NWD2: variants seen among roughly 807,000 people sequenced by gnomAD.
The protein encoded by NWD2 is NACHT and WD repeat domain-containing protein 2.
A neutral mutation model predicts 132.7 loss-of-function variants in NWD2; 37 were observed. The ratio of observed to expected loss-of-function variants is 0.28; its 90% CI spans 0.21 to 0.37. The LOEUF is 0.37. Ranked by LOEUF, NWD2 falls within the 10% of genes least tolerant of loss-of-function variation. NWD2 has a pLI of 1.00. For missense variants in NWD2, 1,592 were observed against 2,122.4 expected, an observed-to-expected ratio of 0.75 and a Z score of 4.91; for synonymous variants, 705 against 803.0, an observed-to-expected ratio of 0.88 and a Z score of 2.06.
intron 3 of NWD2, among the ~76,000 whole-genome samples, chr4:37,405,503 G>A (rs1008556078): frequency 6.7e-6 from 1 of 150,194 alleles, no homozygotes. Context: ...AAACATCAGG[G>A]CGAATTGCAT....
chr4:37,414,829 C>A (rs1166918477), intron 3 of NWD2, among the ~76,000 whole-genome samples: 1 of 152,150 alleles, frequency 6.6e-6, no homozygotes, highest in Non-Finnish European at 1.5e-5. Flanking sequence ...GTGTCAGTTA[C>A]CCTTCCAATT....
intron 1 of NWD2, among the ~76,000 whole-genome samples, chr4:37,286,570 C>A (rs527367673): frequency 6.6e-6 from 1 of 152,268 alleles, no homozygotes; most frequent in South Asian, 2.1e-4. Context: ...GTGTTGGGGT[C>A]AGTAGAAAGA....
At chr4:37,251,682 T>C (rs549080578) in intron 1 of NWD2, among the ~76,000 whole-genome samples, 2 of 152,356 alleles carry the variant, frequency 1.3e-5, no homozygotes, top group South Asian at 4.1e-4. Flanking sequence ...TGCATCCCTT[T>C]GGTAGAACCA....
chr4:37,280,435 G>A (rs1490593394), intron 1 of NWD2, among the ~76,000 whole-genome samples: 1 of 152,070 alleles, frequency 6.6e-6, no homozygotes, highest in Non-Finnish European at 1.5e-5. Context: ...GAACCACATG[G>A]ACATGCCAGT....
intron 2 of NWD2, among the ~76,000 whole-genome samples, chr4:37,337,591 G>A (rs1719435107): frequency 6.6e-6 from 1 of 152,162 alleles, no homozygotes; most frequent in South Asian, 2.1e-4. Flanking sequence ...TTTGGTCTGG[G>A]GTTTGTCAGC....
rs1453626635 is a variant in NWD2, at chr4:37,447,448, T to G, written c.*231T>G. ...TAGTAGTAATATTTAAATGGTTACT[T>G]CATCTGAAAGGCAGAGGCTAAAAGT... On this transcript the variant is annotated 3_prime_UTR_variant, in exon 7 of 7. Coordinates refer to ENST00000309447, the MANE Select transcript of NWD2 (RefSeq NM_001144990.2). 1 of 542,792 alleles carries G rather than the reference T, an allele frequency of 1.8e-6. No homozygotes were observed. The highest frequency in any genetic ancestry group is 1.9e-5 in the African/African-American group (1 of 52,968). 33.6% of individuals were successfully genotyped at this position (542,792 alleles called of 1,614,324 possible).
chr4:37,386,916 G>C (rs1720576870), intron 3 of NWD2, among the ~76,000 whole-genome samples: 1 of 152,142 alleles, frequency 6.6e-6, no homozygotes, highest in African/African-American at 2.4e-5. Context: ...TCTTTTGCTA[G>C]AATTGAAAGC....
intron 1 of NWD2, among the ~76,000 whole-genome samples, chr4:37,294,067 C>T (rs984384424): frequency 6.6e-6 from 1 of 152,140 alleles, no homozygotes; most frequent in Non-Finnish European, 1.5e-5. Context: ...CACCCCCCTA[C>T]TCCTTTCTGG....
At chr4:37,372,974 G>A (rs1234978080) in intron 3 of NWD2, among the ~76,000 whole-genome samples, 1 of 152,208 alleles carries the variant, frequency 6.6e-6, no homozygotes, top group Non-Finnish European at 1.5e-5. Flanking sequence ...ACAACGCAAA[G>A]AAAATTCACA....
chr4:37,336,318 G>A (rs920949996), intron 2 of NWD2, among the ~76,000 whole-genome samples: 10 of 152,104 alleles, frequency 6.6e-5, no homozygotes, highest in East Asian at 3.9e-4. Flanking sequence ...TATTAATGAG[G>A]CATTTTACAT....
chr4:37,311,838 T>C (rs1718849030), intron 1 of NWD2, among the ~76,000 whole-genome samples: 1 of 149,446 alleles, frequency 6.7e-6, no homozygotes, highest in South Asian at 2.1e-4. Context: ...GTTTCAGCAT[T>C]CTACATATGG....
chr4:37,269,941 A>G (rs1717833801), intron 1 of NWD2, among the ~76,000 whole-genome samples: 1 of 151,768 alleles, frequency 6.6e-6, no homozygotes, highest in African/African-American at 2.4e-5. Context: ...AACTGGTTGT[A>G]CCATTTTGCC....
At chr4:37,434,993 C>A (rs565801520) in intron 5 of NWD2, among the ~76,000 whole-genome samples, 1 of 152,160 alleles carries the variant, frequency 6.6e-6, no homozygotes, top group South Asian at 2.1e-4. Flanking sequence ...AAAATAAAAA[C>A]CCACCCAGTT....
At chr4:37,422,969 C>G (rs2081348815) in intron 3 of NWD2, among the ~76,000 whole-genome samples, 1 of 149,912 alleles carries the variant, frequency 6.7e-6, no homozygotes, top group Non-Finnish European at 1.5e-5. Flanking sequence ...ACTGTGTACA[C>G]ATTGTAGGAA....
At chr4:37,426,974 TTC>T (rs900321585) in intron 3 of NWD2, among the ~76,000 whole-genome samples, 1 of 151,914 alleles carries the variant, frequency 6.6e-6, no homozygotes, top group Non-Finnish European at 1.5e-5. Context: ...CTTGTTTCTG[TTC>T]TCTCTCTTTT....
intron 5 of NWD2, among the ~76,000 whole-genome samples, chr4:37,434,967 G>A (rs185994959): frequency 7.2e-5 from 11 of 151,958 alleles, no homozygotes; most frequent in African/African-American, 1.7e-4. Flanking sequence ...TATTTGGTAG[G>A]CTCAAATTTA....
chr4:37,318,357 T>C (rs1163454740), intron 1 of NWD2, among the ~76,000 whole-genome samples: 1 of 152,188 alleles, frequency 6.6e-6, no homozygotes, highest in Non-Finnish European at 1.5e-5. Flanking sequence ...TGTAAGGATG[T>C]ATGAGAAGGT....
chr4:37,292,538 ATTGTG>A, intron 1 of NWD2, among the ~76,000 whole-genome samples: 1 of 152,124 alleles, frequency 6.6e-6, no homozygotes, highest in Admixed American at 6.5e-5. Flanking sequence ...ACCATAAGAT[ATTGTG>A]TTATAGCGGC....
intron 2 of NWD2, among the ~76,000 whole-genome samples, chr4:37,327,634 G>T (rs1425960865): frequency 6.6e-6 from 1 of 152,058 alleles, no homozygotes; most frequent in Non-Finnish European, 1.5e-5. Context: ...AATATGCAAG[G>T]TTACATTTGC....
Sources: gnomAD v4.1 joint callset for allele counts (sites outside exome capture counted in the v4.1 genomes callset) on GRCh38, gnomAD v4.1.1 for gene constraint, MANE v1.5 for transcripts, NCBI Gene and HGNC (gene_info 2026-07-23, HGNC 2026-07-21) for gene names.